Variants in PTPRD observed in about 807,000 individuals in gnomAD.
PTPRD encodes protein tyrosine phosphatase receptor type D, also known as receptor-type tyrosine-protein phosphatase delta.
A neutral mutation model predicts 214.5 loss-of-function variants in PTPRD; 34 were observed. That is an observed-to-expected ratio of 0.16 (90% confidence interval 0.12 to 0.21). The LOEUF (loss-of-function observed/expected upper bound fraction) is 0.21, where lower values mean the gene tolerates loss of function less well. Ranked by LOEUF, PTPRD falls within the 10% of genes least tolerant of loss-of-function variation. The pLI, the probability that PTPRD is intolerant of heterozygous loss-of-function variation, is 1.00. For missense variants in PTPRD, 2,545 were observed against 2,398.7 expected (o/e 1.06, Z -1.27); for synonymous variants, 1,128 against 845.7 (o/e 1.33, Z -5.79).
chr9:8,999,353 G>T (rs1286699335), intron 11 of PTPRD, among the ~76,000 whole-genome samples: 1 of 152,064 alleles, frequency 6.6e-6, no homozygotes, highest in African/African-American at 2.4e-5. Context: ...TGATCAGTCA[G>T]CAGTCATAAG....
chr9:8,336,624 A>G (rs768768131), intron 43 of PTPRD, among the ~76,000 whole-genome samples: 269 of 121,326 alleles, frequency 2.2e-3, no homozygotes, highest in South Asian at 4.3e-3. Flanking sequence ...GAGCTTCTGC[A>G]GAGCAAAAAA....
Position 8,484,175 on chromosome 9 carries a change from G to A in PTPRD, c.3357C>T (p.Asn1119=), listed in dbSNP as rs1289050125. The A allele has an allele frequency of 6.2e-7, 1 of 1,614,160 alleles. No individual in the cohort carries two copies. The highest frequency in any genetic ancestry group is 8.5e-7 in the Non-Finnish European group (1 of 1,180,026). Residue 1119 remains asparagine, a synonymous_variant, in exon 30 of 46, where the codon AAC becomes AAT. Transcript: ENST00000381196. The stretch of plus-strand genomic sequence containing the variant: ...GTTGCACAGTAATCATGCCATCCAA[G>A]TTGGTCTTCCCAATGAAGGCAGGCT... ...RTKPAFIGKT[N]LDGMITVQLP... is the part of the protein sequence containing the mutation.
At chr9:10,248,533 A>AAACAC (rs60272481) in intron 3 of PTPRD, among the ~76,000 whole-genome samples, 1 of 127,444 alleles carries the variant, frequency 7.8e-6, no homozygotes, top group African/African-American at 3.3e-5. Context: ...AAAATAAAAA[A>AAACAC]AATAAAGCGA....
chr9:10,224,332 T>A (rs1019665617), intron 3 of PTPRD, among the ~76,000 whole-genome samples: 13 of 152,190 alleles, frequency 8.5e-5, no homozygotes, highest in African/African-American at 3.1e-4. Flanking sequence ...TAGAATTATG[T>A]CAGATTAATT....
rs35115543 is a variant in PTPRD at position 10,214,429 on chromosome 9, ATTTT to A, written c.-545+126530_-545+126533del. The stretch of plus-strand genomic sequence containing the variant: ...GTAGCTGGGATTACCAAGCCCAACT[ATTTT>A]TTTTTTTTTTTTTTTGCATTTTAAT... On this transcript the variant is annotated intron_variant, in intron 3 of 45. Transcript: ENST00000381196. 2.7e-4 allele frequency among the ~76,000 whole-genome samples: 33 copies of A among 120,716 alleles called. 1 individual carries two copies. The Middle Eastern group carries it at 0.013, about 49-fold the overall frequency. The allele number at this position is 120,716 out of a possible 152,430, so 79.2% of individuals were successfully genotyped here.
chr9:10,298,588 C>T (rs1178155705), intron 3 of PTPRD, among the ~76,000 whole-genome samples: 2 of 151,948 alleles, frequency 1.3e-5, no homozygotes, highest in Admixed American at 1.3e-4. Flanking sequence ...TGTTATCACA[C>T]AATAAATAAA....
At chr9:9,775,672 G>A (rs921584470) in intron 5 of PTPRD, among the ~76,000 whole-genome samples, 41 of 152,188 alleles carry the variant, frequency 2.7e-4, no homozygotes, top group African/African-American at 8.7e-4. Flanking sequence ...GGCTGGTTGC[G>A]GTGGCTCACG....
intron 7 of PTPRD, among the ~76,000 whole-genome samples, chr9:9,690,112 T>C (rs1374255236): frequency 6.6e-6 from 1 of 151,910 alleles, no homozygotes; most frequent in Non-Finnish European, 1.5e-5. Context: ...CTTCCCACAT[T>C]GTATGGGGGT....
chr9:8,539,528 AG>A (rs1373088054), intron 14 of PTPRD, among the ~76,000 whole-genome samples: 1 of 151,954 alleles, frequency 6.6e-6, no homozygotes, highest in Non-Finnish European at 1.5e-5. Flanking sequence ...AAATATGTAA[AG>A]AAAAATTAGT....
intron 31 of PTPRD, among the ~76,000 whole-genome samples, chr9:8,467,748 T>G (rs2134634200): frequency 6.6e-6 from 1 of 151,894 alleles, no homozygotes; most frequent in African/African-American, 2.4e-5. Context: ...ATGAATGTAT[T>G]ATTTCTTTTT....
At chr9:9,634,514 T>C (rs1490530381) in intron 7 of PTPRD, among the ~76,000 whole-genome samples, 1 of 152,202 alleles carries the variant, frequency 6.6e-6, no homozygotes, top group East Asian at 1.9e-4. Context: ...ATTTGCTGAT[T>C]ATTTAAAATT....
intron 12 of PTPRD, among the ~76,000 whole-genome samples, chr9:8,668,006 G>C (rs1255240573): frequency 6.6e-6 from 1 of 152,018 alleles, no homozygotes; most frequent in Non-Finnish European, 1.5e-5. Flanking sequence ...TCACTAATTA[G>C]AAAATAAACT....
intron 3 of PTPRD, among the ~76,000 whole-genome samples, chr9:10,188,159 T>C (rs576006304): frequency 1.0e-3 from 156 of 152,332 alleles, no homozygotes; most frequent in African/African-American, 3.6e-3. Context: ...CAATGAGTAA[T>C]GCTATTCACC....
intron 4 of PTPRD, among the ~76,000 whole-genome samples, chr9:9,955,501 C>T (rs960160657): frequency 1.3e-5 from 2 of 149,478 alleles, no homozygotes; most frequent in East Asian, 1.9e-4. Flanking sequence ...TTTGGGTTTT[C>T]GTTTTTTTTG....
chr9:8,719,040 C>G (rs7866681), intron 12 of PTPRD, among the ~76,000 whole-genome samples: 1 of 151,860 alleles, frequency 6.6e-6, no homozygotes, highest in African/African-American at 2.4e-5. Context: ...CAATCTCAGG[C>G]TTCGAGACCC....
chr9:8,521,720 T>A (rs749321673), intron 19 of PTPRD, among the ~76,000 whole-genome samples, 174 bp from the exon 20 acceptor site: 3 of 152,146 alleles, frequency 2.0e-5, no homozygotes, highest in Non-Finnish European at 4.4e-5. Flanking sequence ...GTATGGTGTG[T>A]GTATACACAG....
At chr9:9,747,061 T>C (rs1322640154) in intron 6 of PTPRD, among the ~76,000 whole-genome samples, 1 of 152,116 alleles carries the variant, frequency 6.6e-6, no homozygotes, top group African/African-American at 2.4e-5. Flanking sequence ...GGAAATAGAA[T>C]ACTGGGGTCA....
intron 3 of PTPRD, among the ~76,000 whole-genome samples, chr9:10,082,447 T>G (rs1414606830): frequency 6.6e-6 from 1 of 152,074 alleles, no homozygotes; most frequent in Non-Finnish European, 1.5e-5. Flanking sequence ...AGGATGTGGA[T>G]GTACTGATTT....
intron 9 of PTPRD, among the ~76,000 whole-genome samples, chr9:9,234,345 C>T (rs2099965176): frequency 1.3e-5 from 2 of 152,104 alleles, no homozygotes; most frequent in Non-Finnish European, 2.9e-5. Flanking sequence ...ATAGAGTGGG[C>T]GGGCCCTGGG....
Sources: allele counts gnomAD v4.1 joint callset (sites outside exome capture counted in the v4.1 genomes callset), GRCh38; gene constraint gnomAD v4.1.1; transcripts MANE v1.5; gene names NCBI Gene and HGNC (gene_info 2026-07-23, HGNC 2026-07-21).